The following TEX44 variants were observed in gnomAD, a reference collection of about 807,000 sequenced individuals.
The protein encoded by TEX44 is testis expressed 44.
For synonymous variants in TEX44, 196 were observed against 205.9 expected, an observed-to-expected ratio of 0.95 and a Z score of 0.41; for missense variants, 487 against 509.6, an observed-to-expected ratio of 0.96 and a Z score of 0.43.
rs1391695336 is a variant in TEX44, at chr2:231,593,242, G to A, written c.291G>A (p.Leu97=). Residue 97 remains leucine (L), a synonymous_variant, in exon 1 of 1, where the codon CTG becomes CTA. Transcript: ENST00000313965. ...TTCCCAGCCAAAATCCAAGTCCCCT[G>A]CAAGTGTCTATGAGCCTTCAGAATC... ...PLLPSQNPSP[L]QVSMSLQNPA... 2 of 1,614,054 alleles carry A rather than the reference G, an allele frequency of 1.2e-6. No individual in the cohort carries two copies. Among genetic ancestry groups the A allele is most frequent in the Non-Finnish European group, 1.7e-6 (2 of 1,180,042 alleles).
Position 231,592,943 on chromosome 2 carries a change from G to C in TEX44, c.-9G>C, listed in dbSNP as rs1447847893. 1 of 1,609,160 alleles carries C rather than the reference G, an allele frequency of 6.2e-7. No individual in the cohort carries two copies. The highest frequency in any genetic ancestry group is 8.5e-7 in the Non-Finnish European group (1 of 1,175,980). The stretch of plus-strand genomic sequence containing the variant: ...TAGGGGGAGGCCGGCTCCACCAGCA[G>C]CCCCATACATGGCACTCCCAGGGTA... On this transcript the variant is annotated 5_prime_UTR_variant, in exon 1 of 1. Coordinates refer to ENST00000313965, the MANE Select transcript of TEX44 (RefSeq NM_152614.3).
At position 231,593,709 on chromosome 2, in the gene TEX44, C is replaced by T; in HGVS notation, c.758C>T (p.Ala253Val). The change falls in exon 1 of 1, where the codon GCC (alanine) becomes GTC (valine). Residue 253 changes from alanine (A) to valine (V), a missense_variant. Physicochemically the swap from Ala to Val is moderately conservative, Grantham distance 64. Transcript: ENST00000313965. ...CCGTCGCCTGGCCCCCACGAGGTGG[C>T]CCTGGGGAGAAGGCCCCTGGACTCC... ...VSPSPGPHEV[A>V]LGRRPLDSSL... The T allele has an allele frequency of 6.2e-7, 1 of 1,611,368 alleles. No individual in the cohort carries two copies. Among genetic ancestry groups the T allele is most frequent in the Non-Finnish European group, 8.5e-7 (1 of 1,179,994 alleles).
At position 231,592,971 on chromosome 2, in the gene TEX44, C is replaced by A. The variant is rs755526861; in HGVS notation, c.20C>A (p.Pro7His). The change falls in exon 1 of 1, where the codon CCC becomes CAC. Residue 7 changes from proline to histidine, a missense_variant. Transcript: ENST00000313965. MALPGY[P>H]LGNVDDSRSK... is the part of the protein sequence containing the mutation. ...CCATACATGGCACTCCCAGGGTACC[C>A]CCTGGGCAACGTGGATGACAGCAGG... The A allele has an allele frequency of 1.9e-6, 3 of 1,613,926 alleles. No individual in the cohort carries two copies. The highest frequency in any genetic ancestry group is 1.7e-5 in the Admixed American group (1 of 59,998).
At position 231,593,647 on chromosome 2, in the gene TEX44, T is replaced by C; in HGVS notation, c.696T>C (p.Thr232=). Residue 232 remains threonine (T), a synonymous_variant, in exon 1 of 1, where the codon ACT becomes ACC. Coordinates refer to ENST00000313965, the MANE Select transcript of TEX44 (RefSeq NM_152614.3). ...TGGACAGCTTAGGAGACCTGCAGACTTGGTTCTTCCCTCCACCTCCAGCAG... is the reference window on the plus strand; with the variant it reads ...TGGACAGCTTAGGAGACCTGCAGACCTGGTTCTTCCCTCCACCTCCAGCAG... The part of the protein sequence containing the change: ...NVVDSLGDLQ[T]WFFPPPPAGS... 6.2e-7 allele frequency: 1 copy of C among 1,613,670 alleles called. No individual in the cohort carries two copies. Among genetic ancestry groups the C allele is most frequent in the Non-Finnish European group, 8.5e-7 (1 of 1,180,020 alleles).
Position 231,592,879 on chromosome 2 carries a change from C to A in TEX44, c.-73C>A. ...GGTTGCAGCCACTCCCTCCAACCGC[C>A]ACAAGCAGCAAAGGGCATAGATGAC... On this transcript the variant is annotated 5_prime_UTR_variant, in exon 1 of 1. Coordinates refer to ENST00000313965, the MANE Select transcript of TEX44 (RefSeq NM_152614.3). 1 of 1,293,440 alleles carries A rather than the reference C, an allele frequency of 7.7e-7. No homozygotes were observed. The highest frequency in any genetic ancestry group is 1.1e-6 in the Non-Finnish European group (1 of 904,942). 80.1% of individuals were successfully genotyped at this position (1,293,440 alleles called of 1,614,324 possible).
Position 231,593,043 on chromosome 2 carries a change from C to T in TEX44, c.92C>T (p.Thr31Ile), listed in dbSNP as rs147080930. Residue 31 changes from threonine to isoleucine, a missense_variant, in exon 1 of 1, where the codon ACA becomes ATA. Thr to Ile is a moderately conservative substitution (Grantham distance 89). Transcript: ENST00000313965. ...GAGCCCCAAGGTCAGGTCCCACTCA[C>T]AGCAGATGTCTTGGCAGTGAGCAGC... is the stretch of plus-strand genomic sequence containing the variant. Reference protein sequence around the residue: ...AGEPQGQVPLTADVLAVSSSV... With the variant: ...AGEPQGQVPLIADVLAVSSSV... The T allele has an allele frequency of 1.2e-6, 2 of 1,614,000 alleles. No homozygotes were observed. The highest frequency in any genetic ancestry group is 2.7e-5 in the African/African-American group (2 of 74,910).
In TEX44 at chr2:231,593,756, G is replaced by A. The variant is rs1263122955; in HGVS notation, c.805G>A (p.Glu269Lys). The A allele has an allele frequency of 3.7e-6, 6 of 1,608,684 alleles. No homozygotes were observed. The highest frequency in any genetic ancestry group is 5.1e-6 in the Non-Finnish European group (6 of 1,179,950). ...LDSSLYTASE[E>K]NSYMRSMTSL... is the part of the protein sequence containing the mutation. ...CTCCAGCCTGTACACGGCCAGTGAG[G>A]AGAACAGCTACATGCGCTCCATGAC... The change falls in exon 1 of 1, where the codon GAG becomes AAG. Residue 269 changes from glutamate to lysine, a missense_variant. Transcript: ENST00000313965.
chr2:231,593,534 G>A lies in TEX44; in HGVS notation c.583G>A (p.Glu195Lys), dbSNP rs754056847. 10 of 1,613,964 alleles carry A rather than the reference G, an allele frequency of 6.2e-6. No homozygotes were observed. In the African/African-American group the frequency reaches 1.2e-4, roughly 19 times the overall value. The change falls in exon 1 of 1, where the codon GAG becomes AAG. Residue 195 changes from glutamate to lysine, a missense_variant. Transcript: ENST00000313965. Reference sequence around the variant, plus strand: ...TGCCAGCACCACCAAGTCTGCTGAGGAGAAAGCTGAGCATCCAAAGGCCCC... The same window carrying A: ...TGCCAGCACCACCAAGTCTGCTGAGAAGAAAGCTGAGCATCCAAAGGCCCC... ...QAASTTKSAE[E>K]KAEHPKAPHP...
Position 231,594,267 on chromosome 2 carries a change from T to C in TEX44, c.*128T>C. On this transcript the variant is annotated 3_prime_UTR_variant, in exon 1 of 1. Coordinates refer to ENST00000313965, the MANE Select transcript of TEX44 (RefSeq NM_152614.3). ...CCCAGCCCATGCAATAAATCACCAG[T>C]GAGCATTTATTTCTAAGCACCAGCC... 5.1e-6 allele frequency: 4 copies of C among 780,052 alleles called. No individual in the cohort carries two copies. Among genetic ancestry groups the C allele is most frequent in the Non-Finnish European group, 8.2e-6 (4 of 485,890 alleles). The allele number at this position is 780,052 out of a possible 1,614,324, so 48.3% of individuals were successfully genotyped here.
rs200476719 is a variant in TEX44 at position 231,593,324 on chromosome 2, C to T, written c.373C>T (p.Pro125Ser). Reference sequence around the variant, plus strand: ...GACAAGTCAGAGTCTAGTGGTTTTCCCAAGTCACCTCCTGGGTAAAGACAA... The same window carrying T: ...GACAAGTCAGAGTCTAGTGGTTTTCTCAAGTCACCTCCTGGGTAAAGACAA... ...ARTSQSLVVFPSHLLGKDKMS... is the reference protein window; with the variant it reads ...ARTSQSLVVFSSHLLGKDKMS... Residue 125 changes from proline to serine, a missense_variant, in exon 1 of 1, where the codon CCA (proline) becomes TCA (serine). By Grantham distance (74) the Pro-to-Ser change is moderately conservative. Transcript: ENST00000313965. 71 of 1,614,074 alleles carry T rather than the reference C, an allele frequency of 4.4e-5. No individual in the cohort carries two copies. The highest frequency in any genetic ancestry group is 5.7e-5 in the Non-Finnish European group (67 of 1,180,034).
At position 231,594,244 on chromosome 2, in the gene TEX44, C is replaced by G; in HGVS notation, c.*105C>G. 1.1e-6 allele frequency: 1 copy of G among 921,382 alleles called. No homozygotes were observed. 57.1% of individuals were successfully genotyped at this position (921,382 alleles called of 1,614,324 possible). ...CCATTCTTGCTCTGGACGGTTCCCC[C>G]AGCCCATGCAATAAATCACCAGTGA... is the stretch of plus-strand genomic sequence containing the variant. On this transcript the variant is annotated 3_prime_UTR_variant, in exon 1 of 1. Transcript: ENST00000313965.
rs75570293 is a variant in TEX44, at chr2:231,594,107, C to A, written c.1156C>A (p.Arg386Ser). ...CTACCTGACCAGCCACCTCACCCCA[C>A]GCCAGGCCCAGGCTGACCCCAACTA... is the stretch of plus-strand genomic sequence containing the variant. ...MRYLTSHLTP[R>S]QAQADPNYD is the part of the protein sequence containing the mutation. Residue 386 changes from arginine (R) to serine (S), a missense_variant, in exon 1 of 1, where the codon CGC becomes AGC. Transcript: ENST00000313965. 1 of 1,611,618 alleles carries A rather than the reference C, an allele frequency of 6.2e-7. No individual in the cohort carries two copies. The highest frequency in any genetic ancestry group is 1.1e-5 in the South Asian group (1 of 91,080).
Position 231,594,035 on chromosome 2 carries a change from G to A in TEX44, c.1084G>A (p.Glu362Lys), listed in dbSNP as rs748329657. Residue 362 changes from glutamate to lysine, a missense_variant, in exon 1 of 1, where the codon GAG (glutamate) becomes AAG (lysine). Physicochemically the swap from Glu to Lys is moderately conservative, Grantham distance 56 (BLOSUM62 1). Coordinates refer to ENST00000313965, the MANE Select transcript of TEX44 (RefSeq NM_152614.3). Reference sequence around the variant, plus strand: ...CCTGCGCACCATCACCCGTGTGCTGGAGACAGTGGAGCAGAGGACCGTGGA... The same window carrying A: ...CCTGCGCACCATCACCCGTGTGCTGAAGACAGTGGAGCAGAGGACCGTGGA... ...SALRTITRVL[E>K]TVEQRTVEGI... is the part of the protein sequence containing the mutation. 1 of 1,612,716 alleles carries A rather than the reference G, an allele frequency of 6.2e-7. No individual in the cohort carries two copies. Among genetic ancestry groups the A allele is most frequent in the Non-Finnish European group, 8.5e-7 (1 of 1,179,996 alleles).
In TEX44 at chr2:231,593,609, G is replaced by T; in HGVS notation, c.658G>T (p.Gly220Trp). 6.2e-7 allele frequency: 1 copy of T among 1,613,904 alleles called. No homozygotes were observed. The highest frequency in any genetic ancestry group is 8.5e-7 in the Non-Finnish European group (1 of 1,180,034). Residue 220 changes from glycine to tryptophan, a missense_variant, in exon 1 of 1, where the codon GGG becomes TGG. By Grantham distance (184) the Gly-to-Trp change is radical (BLOSUM62 -2). Transcript: ENST00000313965. ...LPSDESPVAM[G>W]ANVVDSLGDL... Reference sequence around the variant, plus strand: ...ATCTGATGAGTCCCCAGTGGCAATGGGGGCAAATGTGGTGGACAGCTTAGG... The same window carrying T: ...ATCTGATGAGTCCCCAGTGGCAATGTGGGCAAATGTGGTGGACAGCTTAGG...
rs1279982028 is a variant in TEX44 at position 231,594,235 on chromosome 2, C to T, written c.*96C>T. On this transcript the variant is annotated 3_prime_UTR_variant, in exon 1 of 1. Transcript: ENST00000313965. ...CTCCCTTGCCCATTCTTGCTCTGGA[C>T]GGTTCCCCCAGCCCATGCAATAAAT... The T allele has an allele frequency of 1.6e-5, 17 of 1,037,098 alleles. No homozygotes were observed. Among genetic ancestry groups the T allele is most frequent in the Middle Eastern group, 2.7e-4 (1 of 3,716 alleles). 64.2% of individuals were successfully genotyped at this position (1,037,098 alleles called of 1,614,324 possible). A position where few individuals can be genotyped will look rare whatever the true frequency, so the allele number is the denominator to read the frequency against.
Position 231,593,299 on chromosome 2 carries a change from G to A in TEX44, c.348G>A (p.Arg116=). 1 of 1,614,166 alleles carries A rather than the reference G, an allele frequency of 6.2e-7. No individual in the cohort carries two copies. The highest frequency in any genetic ancestry group is 1.1e-5 in the South Asian group (1 of 91,084). The change falls in exon 1 of 1, where the codon AGG becomes AGA. Residue 116 remains arginine, a synonymous_variant. Transcript: ENST00000313965. ...GGGACAGGCAGGTTCAAGACGCAAGGACAAGTCAGAGTCTAGTGGTTTTCC... is the reference window on the plus strand; with the variant it reads ...GGGACAGGCAGGTTCAAGACGCAAGAACAAGTCAGAGTCTAGTGGTTTTCC... ...PAWDRQVQDA[R]TSQSLVVFPS... is the part of the protein sequence containing the mutation.
In TEX44 at chr2:231,593,167, A is replaced by C; in HGVS notation, c.216A>C (p.Ala72=). 1 of 1,614,158 alleles carries C rather than the reference A, an allele frequency of 6.2e-7. No homozygotes were observed. Among genetic ancestry groups the C allele is most frequent in the African/African-American group, 1.3e-5 (1 of 75,038 alleles). The change falls in exon 1 of 1, where the codon GCA becomes GCC. Residue 72 remains alanine, a synonymous_variant. Transcript: ENST00000313965. ...ISTSGDKDKS[A]VVPEHGQKTP... is the part of the protein sequence containing the mutation. ...CATCTGGAGACAAAGACAAGAGTGC[A>C]GTTGTTCCAGAACACGGCCAGAAGA...
At position 231,593,699 on chromosome 2, in the gene TEX44, C is replaced by G; in HGVS notation, c.748C>G (p.His250Asp). ...CAGTGTGTCCCCGTCGCCTGGCCCC[C>G]ACGAGGTGGCCCTGGGGAGAAGGCC... ...AGSVSPSPGPHEVALGRRPLD... is the reference protein window; with the variant it reads ...AGSVSPSPGPDEVALGRRPLD... The change falls in exon 1 of 1, where the codon CAC becomes GAC. Residue 250 changes from histidine to aspartate, a missense_variant. By Grantham distance (81) the His-to-Asp change is moderately conservative (BLOSUM62 -1). Coordinates refer to ENST00000313965, the MANE Select transcript of TEX44 (RefSeq NM_152614.3). 6.2e-7 allele frequency: 1 copy of G among 1,611,834 alleles called. No homozygotes were observed. The highest frequency in any genetic ancestry group is 1.1e-5 in the South Asian group (1 of 91,084).
rs2047777520 is a variant in TEX44, at chr2:231,593,606, A to C, written c.655A>C (p.Met219Leu). ...ALPSDESPVA[M>L]GANVVDSLGD... Reference sequence around the variant, plus strand: ...ACCATCTGATGAGTCCCCAGTGGCAATGGGGGCAAATGTGGTGGACAGCTT... The same window carrying C: ...ACCATCTGATGAGTCCCCAGTGGCACTGGGGGCAAATGTGGTGGACAGCTT... The change falls in exon 1 of 1, where the codon ATG becomes CTG. Residue 219 changes from methionine (M) to leucine (L), a missense_variant. Transcript: ENST00000313965. 8 of 1,613,754 alleles carry C rather than the reference A, an allele frequency of 5.0e-6. No homozygotes were observed. Among genetic ancestry groups the C allele is most frequent in the Non-Finnish European group, 6.8e-6 (8 of 1,180,028 alleles).
Sources: gnomAD v4.1 joint callset for allele counts on GRCh38, gnomAD v4.1.1 for gene constraint, MANE v1.5 for transcripts, NCBI Gene and HGNC (gene_info 2026-07-23, HGNC 2026-07-21) for gene names.